EBF1: variants seen among roughly 807,000 people sequenced by gnomAD.
EBF1 encodes transcription factor COE1.
Under a neutral mutation model 68.4 loss-of-function variants are expected in EBF1, and 10 were observed. That is an observed-to-expected ratio of 0.15 (90% CI 0.09 to 0.25). The LOEUF (loss-of-function observed/expected upper bound fraction) is 0.25, where lower values mean the gene tolerates loss of function less well. EBF1 is among the 10% of genes least tolerant of loss of function. The pLI is 1.00. For missense variants in EBF1, 509 were observed against 794.4 expected (o/e 0.64, Z 4.32); for synonymous variants, 298 against 299.8 (o/e 0.99, Z 0.06).
At chr5:158,873,809 G>A (rs549013461) in intron 6 of EBF1, among the ~76,000 whole-genome samples, 2 of 152,158 alleles carry the variant, frequency 1.3e-5, no homozygotes, top group Non-Finnish European at 2.9e-5. Context: ...CTAATTCAGT[G>A]CTATTTAAAG....
intron 6 of EBF1, among the ~76,000 whole-genome samples, chr5:158,927,724 A>G (rs1027605999): frequency 6.6e-6 from 1 of 152,230 alleles, no homozygotes; most frequent in Non-Finnish European, 1.5e-5. Flanking sequence ...GAAGAGATCA[A>G]TGACCTTGCT....
At chr5:159,009,069 C>T (rs922282082) in intron 6 of EBF1, among the ~76,000 whole-genome samples, 13 of 152,156 alleles carry the variant, frequency 8.5e-5, no homozygotes, top group African/African-American at 2.9e-4. Flanking sequence ...AGGAGCTCTG[C>T]TTTTATTTAC....
At position 158,978,797 on chromosome 5, in the gene EBF1, T is replaced by TACACACACACAC. The variant is rs57930371; in HGVS notation, c.554+94587_554+94598dup. Reference sequence around the variant, plus strand: ...TTGAAGATACACACACACACACACATACACACACACACACACACACACACA... The same window carrying TACACACACACAC: ...TTGAAGATACACACACACACACACATACACACACACACACACACACACACACACACACACACA... On this transcript the variant is annotated intron_variant, in intron 6 of 15. Transcript: ENST00000313708. 6.3e-5 allele frequency among the ~76,000 whole-genome samples: 9 copies of TACACACACACAC among 143,016 alleles called. No homozygotes were observed. In the East Asian group the frequency reaches 6.4e-4, roughly 10 times the overall value. The allele number at this position is 143,016 out of a possible 152,430, so 93.8% of individuals were successfully genotyped here.
At chr5:158,902,612 T>C (rs976818736) in intron 6 of EBF1, among the ~76,000 whole-genome samples, 4 of 148,590 alleles carry the variant, frequency 2.7e-5, no homozygotes, top group African/African-American at 9.8e-5. Flanking sequence ...TTATTATTAT[T>C]ATTATTATCA....
At chr5:158,982,074 T>C (rs1400298113) in intron 6 of EBF1, among the ~76,000 whole-genome samples, 2 of 152,182 alleles carry the variant, frequency 1.3e-5, no homozygotes, top group South Asian at 4.1e-4. Flanking sequence ...TGTCAAATTA[T>C]GGTTTGGGGA....
intron 6 of EBF1, among the ~76,000 whole-genome samples, chr5:159,071,057 C>T (rs78289109): frequency 1.1e-3 from 167 of 152,288 alleles, no homozygotes; most frequent in African/African-American, 3.7e-3. Context: ...TCTTCTCTCG[C>T]TGTTAAGAAT....
At chr5:158,728,044 CA>C (rs1165039198) in intron 11 of EBF1, among the ~76,000 whole-genome samples, 4 of 152,188 alleles carry the variant, frequency 2.6e-5, no homozygotes, top group African/African-American at 7.2e-5. Flanking sequence ...AAACACTGAC[CA>C]TGATCCTAAG....
intron 6 of EBF1, among the ~76,000 whole-genome samples, chr5:159,035,461 T>C (rs1769845802): frequency 6.6e-6 from 1 of 152,198 alleles, no homozygotes; most frequent in Non-Finnish European, 1.5e-5. Flanking sequence ...AATTTGACGT[T>C]ATAAATCACA....
chr5:158,793,714 T>C (rs529640411), intron 9 of EBF1, among the ~76,000 whole-genome samples: 115 of 152,208 alleles, frequency 7.6e-4, no homozygotes, highest in Admixed American at 1.5e-3. Context: ...ACAAGCCTAT[T>C]GTGAGGCTTA....
At chr5:159,097,902 C>T (rs1407660265) in intron 1 of EBF1, among the ~76,000 whole-genome samples, 1 of 152,192 alleles carries the variant, frequency 6.6e-6, no homozygotes, top group Non-Finnish European at 1.5e-5. Flanking sequence ...CCACTGACAG[C>T]CGGACCTGCC....
chr5:158,720,879 C>T (rs1761799502), intron 11 of EBF1, among the ~76,000 whole-genome samples: 1 of 152,102 alleles, frequency 6.6e-6, no homozygotes, highest in Non-Finnish European at 1.5e-5. Flanking sequence ...TATTTTACAA[C>T]CCCACATTCT....
At chr5:158,982,647 C>T (rs780568344) in intron 6 of EBF1, among the ~76,000 whole-genome samples, 50 of 151,990 alleles carry the variant, frequency 3.3e-4, no homozygotes, top group Non-Finnish European at 5.7e-4. Context: ...TTGCTTTACA[C>T]GGTACTTAAA....
Position 159,099,451 on chromosome 5 carries a change from G to A in EBF1, c.28C>T (p.Arg10Trp). The change falls in exon 1 of 16, where the codon CGG becomes TGG. Residue 10 changes from arginine to tryptophan, a missense_variant. Coordinates refer to ENST00000313708, the MANE Select transcript of EBF1 (RefSeq NM_024007.5). Reference protein sequence around the residue: MFGIQESIQRSGSSMKEEPL... With the variant: MFGIQESIQWSGSSMKEEPL... ...TCTTCCTTCATGCTGCTTCCACTCC[G>A]TTGGATGCTTTCCTGAATCCCAAAC... 1.3e-6 allele frequency: 2 copies of A among 1,592,378 alleles called. No homozygotes were observed. Among genetic ancestry groups the A allele is most frequent in the Non-Finnish European group, 1.7e-6 (2 of 1,170,210 alleles).
intron 6 of EBF1, among the ~76,000 whole-genome samples, chr5:158,883,404 A>G (rs1049762955): frequency 4.7e-5 from 7 of 149,878 alleles, no homozygotes; most frequent in African/African-American, 9.8e-5. Flanking sequence ...ACATGTGTGT[A>G]TATATATACA....
chr5:158,899,756 G>A (rs966303151), intron 6 of EBF1, among the ~76,000 whole-genome samples: 1 of 152,190 alleles, frequency 6.6e-6, no homozygotes, highest in Admixed American at 6.5e-5. Flanking sequence ...GGAAAATGAA[G>A]AGATATTGAA....
intron 6 of EBF1, among the ~76,000 whole-genome samples, chr5:158,872,600 A>G (rs1030123093): frequency 2.0e-5 from 3 of 152,172 alleles, no homozygotes; most frequent in African/African-American, 7.2e-5. Flanking sequence ...TTAGCACACA[A>G]TTCACTCTTG....
At position 158,723,378 on chromosome 5, in the gene EBF1, C is replaced by T. The variant is rs575138646; in HGVS notation, c.1125+7691G>A. 4.6e-5 allele frequency among the ~76,000 whole-genome samples: 7 copies of T among 152,182 alleles called. No individual in the cohort carries two copies. The South Asian group carries it at 1.0e-3, about 23-fold the overall frequency. The stretch of plus-strand genomic sequence containing the variant: ...AGACTTGGCTCAAATCCATGTTCTG[C>T]GATGTATTAGCAGCGTAAACACATG... On this transcript the variant is annotated intron_variant, in intron 11 of 15. Transcript: ENST00000313708.
chr5:158,859,779 C>A (rs1794664015), intron 6 of EBF1, among the ~76,000 whole-genome samples: 1 of 152,246 alleles, frequency 6.6e-6, no homozygotes, highest in Non-Finnish European at 1.5e-5. Context: ...AACTCCAAAT[C>A]CACCTTGATC....
intron 6 of EBF1, among the ~76,000 whole-genome samples, chr5:158,851,149 C>T (rs529606874): frequency 2.3e-4 from 34 of 146,408 alleles, no homozygotes; most frequent in East Asian, 1.3e-3. Flanking sequence ...GGGAGGCAGG[C>T]GGATCACCTG....
Sources: gnomAD v4.1 joint callset for allele counts (sites outside exome capture counted in the v4.1 genomes callset) on GRCh38, gnomAD v4.1.1 for gene constraint, MANE v1.5 for transcripts, NCBI Gene and HGNC (gene_info 2026-07-23, HGNC 2026-07-21) for gene names.